ZAP70: variants seen among roughly 807,000 people sequenced by gnomAD.
ZAP70 encodes the protein tyrosine-protein kinase ZAP-70.
Under a neutral mutation model 65.8 loss-of-function variants are expected in ZAP70, and 27 were observed. The observed-to-expected ratio is 0.41, with a 90% CI of 0.30 to 0.57. ZAP70 has a LOEUF of 0.57. ZAP70 is among the 20% of genes least tolerant of loss of function. The probability of loss-of-function intolerance (pLI) is 0.28; values close to 1 mark genes in which losing one functional copy is unlikely to be tolerated. For synonymous variants in ZAP70, 363 were observed against 360.8 expected, an observed-to-expected ratio of 1.01 and a Z score of -0.07; for missense variants, 696 against 870.5, an observed-to-expected ratio of 0.80 and a Z score of 2.52.
In ZAP70 at chr2:97,739,702, G is replaced by C; in HGVS notation, c.*204G>C. 2 of 803,952 alleles carry C rather than the reference G, an allele frequency of 2.5e-6. No homozygotes were observed. The highest frequency in any genetic ancestry group is 3.8e-6 in the Non-Finnish European group (2 of 520,094). The allele number at this position is 803,952 out of a possible 1,614,324, so 49.8% of individuals were successfully genotyped here. ...CTGGGGAGCAGGGAGGTCCGGGAGG[G>C]TGCGGCTGTGCAGCCTGTCCTGGGC... On this transcript the variant is annotated 3_prime_UTR_variant, in exon 14 of 14. Coordinates refer to ENST00000264972, the MANE Select transcript of ZAP70 (RefSeq NM_001079.4).
chr2:97,716,211 A>AAGAGGATGGGCCCCT (rs1438164311), intron 2 of ZAP70, among the ~76,000 whole-genome samples: 10 of 152,222 alleles, frequency 6.6e-5, no homozygotes, highest in African/African-American at 2.4e-4. Context: ...CTCTCCCGCC[A>AAGAGGATGGGCCCCT]TCCTCCACCC....
downstream of ZAP70, among the ~76,000 whole-genome samples, chr2:97,743,910 A>G (rs1678187205): frequency 6.6e-6 from 1 of 152,140 alleles, no homozygotes; most frequent in Non-Finnish European, 1.5e-5. Context: ...TAGCCTCCTA[A>G]TGGGTAGGTG....
chr2:97,751,538 G>A, the ZAP70 span, among the ~76,000 whole-genome samples: 29 of 152,312 alleles, frequency 1.9e-4, no homozygotes, highest in Admixed American at 2.0e-4. Context: ...CATTAGTTCT[G>A]TTTTTCTAGA....
chr2:97,752,475 A>C, the ZAP70 span, among the ~76,000 whole-genome samples: 1 of 152,206 alleles, frequency 6.6e-6, no homozygotes, highest in African/African-American at 2.4e-5. Flanking sequence ...TCTTTTTTCA[A>C]ACCAGGGGCT....
the ZAP70 span, among the ~76,000 whole-genome samples, chr2:97,756,071 G>C: frequency 6.6e-6 from 1 of 152,162 alleles, no homozygotes; most frequent in Non-Finnish European, 1.5e-5. Context: ...CTTTTTATGA[G>C]GCCTTTTAGG....
downstream of ZAP70, among the ~76,000 whole-genome samples, chr2:97,740,072 G>A (rs577599185): frequency 6.6e-6 from 1 of 152,204 alleles, no homozygotes; most frequent in African/African-American, 2.4e-5. Context: ...GCGGGTGTGG[G>A]CCCAAGGGCT....
intron 8 of ZAP70, chr2:97,734,057 C>T (rs1677737430): frequency 3.6e-6 from 1 of 279,568 alleles, no homozygotes; most frequent in Admixed American, 4.8e-5. Context: ...AAATGGTCTG[C>T]TGCGGGTGCT....
chr2:97,720,656 C>T (rs1677122647), intron 2 of ZAP70, among the ~76,000 whole-genome samples: 1 of 152,198 alleles, frequency 6.6e-6, no homozygotes, highest in African/African-American at 2.4e-5. Context: ...CCAGCCGCTT[C>T]ATGACTTTTT....
chr2:97,754,424 G>C, the ZAP70 span, among the ~76,000 whole-genome samples: 5 of 151,978 alleles, frequency 3.3e-5, no homozygotes, highest in African/African-American at 1.2e-4. Flanking sequence ...TTTTGAGATG[G>C]AGTCTTGCTC....
At chr2:97,754,819 T>G in the ZAP70 span, among the ~76,000 whole-genome samples, 1 of 152,226 alleles carries the variant, frequency 6.6e-6, no homozygotes, top group Admixed American at 6.5e-5. Context: ...TTTGTCCTGA[T>G]CGTGCAAGTG....
At chr2:97,720,146 C>T (rs933336689) in intron 2 of ZAP70, among the ~76,000 whole-genome samples, 1 of 152,132 alleles carries the variant, frequency 6.6e-6, no homozygotes, top group African/African-American at 2.4e-5. Flanking sequence ...ATAAATGTTC[C>T]TGTGTAGGTT....
chr2:97,721,909 G>A (rs1476416314), intron 2 of ZAP70, among the ~76,000 whole-genome samples: 1 of 150,768 alleles, frequency 6.6e-6, no homozygotes, highest in African/African-American at 2.4e-5. Flanking sequence ...TCAGCCTCCC[G>A]AGTAGCTGGA....
Position 97,729,326 on chromosome 2 carries a change from G to T in ZAP70, c.564-3557G>T, listed in dbSNP as rs542442326. Among the ~76,000 whole-genome samples, 34 of 152,322 alleles carry T rather than the reference G, an allele frequency of 2.2e-4. No individual in the cohort carries two copies. In the East Asian group the frequency reaches 6.4e-3, roughly 28 times the overall value. ...CACAGATAATCTGTGACAGAGCTGG[G>T]TGTTAGTCCTAGGTAGCAATTAACT... On this transcript the variant is annotated intron_variant, in intron 4 of 13. Coordinates refer to ENST00000264972, the MANE Select transcript of ZAP70 (RefSeq NM_001079.4).
the ZAP70 span, among the ~76,000 whole-genome samples, chr2:97,750,304 G>T: frequency 0.011 from 1,675 of 152,326 alleles, 26 homozygotes; most frequent in African/African-American, 0.038. Context: ...CAGTGAGCTG[G>T]GGTGTCTCCT....
In ZAP70 at chr2:97,735,299, G is replaced by A. The variant is rs774959464; in HGVS notation, c.1132G>A (p.Ala378Thr). The A allele has an allele frequency of 2.5e-6, 4 of 1,614,122 alleles. No individual in the cohort carries two copies. The South Asian group carries it at 4.4e-5, about 18-fold the overall frequency. ...IKVLKQGTEK[A>T]DTEEMMREAQ... Reference sequence around the variant, plus strand: ...GGTGCTGAAGCAGGGCACGGAGAAGGCAGACACGGAAGAGATGATGCGCGA... The same window carrying A: ...GGTGCTGAAGCAGGGCACGGAGAAGACAGACACGGAAGAGATGATGCGCGA... Residue 378 changes from alanine to threonine, a missense_variant, in exon 10 of 14, where the codon GCA becomes ACA. Physicochemically the swap from Ala to Thr is moderately conservative, Grantham distance 58 (BLOSUM62 0). Coordinates refer to ENST00000264972, the MANE Select transcript of ZAP70 (RefSeq NM_001079.4).
Position 97,731,473 on chromosome 2 carries a change from G to A in ZAP70, c.564-1410G>A, listed in dbSNP as rs1034701904. Among the ~76,000 whole-genome samples, 8 of 152,110 alleles carry A rather than the reference G, an allele frequency of 5.3e-5. No homozygotes were observed. The highest frequency in any genetic ancestry group is 8.8e-5 in the Non-Finnish European group (6 of 68,024). On this transcript the variant is annotated intron_variant, in intron 4 of 13. Coordinates refer to ENST00000264972, the MANE Select transcript of ZAP70 (RefSeq NM_001079.4). This position sits in a 1 kb window ranked among gnomAD's most constrained non-coding sequence, Gnocchi z 4.0. ...TGGGTTCTCTTCCTTGCCCTTTTGT[G>A]TGCCCTCATTGCCCCCGCCCTGATT... is the stretch of plus-strand genomic sequence containing the variant.
At chr2:97,740,661 G>C (rs1018899946), downstream of ZAP70, among the ~76,000 whole-genome samples, 43 of 152,186 alleles carry the variant, frequency 2.8e-4, no homozygotes, top group African/African-American at 9.6e-4. Flanking sequence ...CAACGAAAGA[G>C]GGTGCAGTTC....
chr2:97,728,164 G>T (rs1288363497), intron 4 of ZAP70, among the ~76,000 whole-genome samples: 1 of 152,238 alleles, frequency 6.6e-6, no homozygotes, highest in Non-Finnish European at 1.5e-5. Context: ...CAACCAGTCT[G>T]CTGAGATTAG....
the ZAP70 span, among the ~76,000 whole-genome samples, chr2:97,751,075 A>G: frequency 3.3e-5 from 5 of 152,336 alleles, no homozygotes; most frequent in Middle Eastern, 3.4e-3. Flanking sequence ...CAAAGAATGG[A>G]TTACTGGAGA....
Sources: gnomAD v4.1 joint callset for allele counts (sites outside exome capture counted in the v4.1 genomes callset) on GRCh38, gnomAD v4.1.1 for gene constraint, Gnocchi (gnomAD v3.1) non-coding constraint, MANE v1.5 for transcripts, NCBI Gene and HGNC (gene_info 2026-07-23, HGNC 2026-07-21) for gene names.